The following CSMD3 variants were observed in gnomAD, a reference collection of about 807,000 sequenced individuals.
CSMD3 encodes CUB and Sushi multiple domains 3.
CSMD3 carries 177 observed loss-of-function variants against 435.2 expected under a neutral mutation model. That is an observed-to-expected ratio of 0.41 (90% CI 0.36 to 0.46). The LOEUF is 0.46. CSMD3 is among the 20% of genes least tolerant of loss of function. The pLI is 0.34. For synonymous variants in CSMD3, 1,656 were observed against 1,520.5 expected, an observed-to-expected ratio of 1.09 and a Z score of -2.07; for missense variants, 4,265 against 4,504.6, an observed-to-expected ratio of 0.95 and a Z score of 1.52.
chr8:113,369,126 T>A (rs2094331762), intron 1 of CSMD3, among the ~76,000 whole-genome samples: 2 of 151,986 alleles, frequency 1.3e-5, no homozygotes, highest in Non-Finnish European at 2.9e-5. Context: ...TTATAGTAAA[T>A]CTCTATCAAT....
intron 10 of CSMD3, among the ~76,000 whole-genome samples, chr8:112,897,060 T>C (rs1414560369): frequency 1.3e-5 from 2 of 151,486 alleles, no homozygotes; most frequent in Admixed American, 1.3e-4. Context: ...TTTGCATACC[T>C]TTTAGTCATC....
At chr8:113,225,818 G>A (rs1272175978) in intron 3 of CSMD3, among the ~76,000 whole-genome samples, 1 of 151,420 alleles carries the variant, frequency 6.6e-6, no homozygotes, top group Non-Finnish European at 1.5e-5. Context: ...GATATGGTCT[G>A]GTTCTATGTC....
chr8:112,769,250 A>G (rs1434995265), intron 13 of CSMD3, among the ~76,000 whole-genome samples: 2 of 151,934 alleles, frequency 1.3e-5, no homozygotes. Context: ...AAAACACATA[A>G]TCACTTTTCT....
At chr8:113,048,867 G>C (rs1451892592) in intron 5 of CSMD3, among the ~76,000 whole-genome samples, 1 of 152,100 alleles carries the variant, frequency 6.6e-6, no homozygotes, top group Non-Finnish European at 1.5e-5. Flanking sequence ...AACCCTACAA[G>C]TCTGAATATT....
At chr8:112,227,165 A>G (rs1423620888) in intron 70 of CSMD3, among the ~76,000 whole-genome samples, 1 of 152,214 alleles carries the variant, frequency 6.6e-6, no homozygotes, top group Non-Finnish European at 1.5e-5. Context: ...AAAGGTAGAA[A>G]CAACTCAAAT....
chr8:112,769,459 G>A (rs1358709977), intron 13 of CSMD3, among the ~76,000 whole-genome samples: 1 of 151,870 alleles, frequency 6.6e-6, no homozygotes, highest in African/African-American at 2.4e-5. Flanking sequence ...CCACATTTCA[G>A]GGATATGTAA....
At chr8:113,322,778 G>C (rs910701692) in intron 1 of CSMD3, among the ~76,000 whole-genome samples, 2 of 151,722 alleles carry the variant, frequency 1.3e-5, no homozygotes, top group Non-Finnish European at 1.5e-5. Flanking sequence ...ATAGAGTCTC[G>C]CTTTGTGCCC....
At chr8:112,436,023 T>C (rs1227825553) in intron 32 of CSMD3, among the ~76,000 whole-genome samples, 2 of 151,982 alleles carry the variant, frequency 1.3e-5, no homozygotes, top group African/African-American at 4.8e-5. Context: ...AAATCAGACA[T>C]GACACACTCT....
intron 10 of CSMD3, among the ~76,000 whole-genome samples, chr8:112,895,911 A>C (rs566747245): frequency 3.3e-5 from 5 of 151,540 alleles, no homozygotes; most frequent in Admixed American, 3.3e-4. Flanking sequence ...AAGAAGAAAA[A>C]GTAGGTTTTG....
rs779460744 is a variant in CSMD3 at position 113,436,827 on chromosome 8, G to C, written c.28C>G (p.Arg10Gly). The change falls in exon 1 of 71, where the codon CGA (arginine) becomes GGA (glycine). Residue 10 changes from arginine to glycine, a missense_variant. Transcript: ENST00000297405. ...TCCCAGGGTTTGGATTCCTTTGCTC[G>C]GCTTTCCCCTTTGCGGATCCCTTTC... MKGIRKGES[R>G]AKESKPWEPG... 1 of 1,614,072 alleles carries C rather than the reference G, an allele frequency of 6.2e-7. No individual in the cohort carries two copies.
chr8:112,468,232 G>GTGTTTTTTTTTTTTTTTTTTTTTTT (rs1818152244), intron 32 of CSMD3, among the ~76,000 whole-genome samples: 2 of 114,882 alleles, frequency 1.7e-5, no homozygotes, highest in Non-Finnish European at 1.8e-5. Context: ...ATTGCCTAAA[G>GTGTTTTTTTTTTTTTTTTTTTTTTT]TATTTTTTTT....
chr8:112,323,467 G>T (rs1465633695), intron 45 of CSMD3, among the ~76,000 whole-genome samples: 1 of 151,930 alleles, frequency 6.6e-6, no homozygotes, highest in African/African-American at 2.4e-5. Context: ...AGACGTAATT[G>T]GTTAACTTAA....
intron 3 of CSMD3, among the ~76,000 whole-genome samples, chr8:113,249,350 C>A (rs1198043764): frequency 2.0e-5 from 3 of 151,982 alleles, no homozygotes; most frequent in Non-Finnish European, 2.9e-5. Flanking sequence ...AGCTTAAGAA[C>A]AGTGGATATT....
chr8:112,518,627 T>TGAGAGAGAGA (rs202097926), intron 27 of CSMD3, among the ~76,000 whole-genome samples: 3 of 132,934 alleles, frequency 2.3e-5, no homozygotes, highest in Admixed American at 7.5e-5. Context: ...TGTGTGTGTG[T>TGAGAGAGAGA]GTGAGAGAGA....
intron 12 of CSMD3, among the ~76,000 whole-genome samples, chr8:112,819,432 T>C (rs2079468439): frequency 1.3e-5 from 2 of 152,210 alleles, no homozygotes; most frequent in African/African-American, 4.8e-5. Flanking sequence ...CTCAAATTTA[T>C]GTCAGCTTCT....
chr8:113,239,227 G>A (rs2132233022), intron 3 of CSMD3, among the ~76,000 whole-genome samples: 1 of 152,064 alleles, frequency 6.6e-6, no homozygotes, highest in East Asian at 1.9e-4. Context: ...AGGTCTCCTG[G>A]GTCTCCAGCT....
At chr8:113,053,108 C>G (rs2088169268) in intron 5 of CSMD3, among the ~76,000 whole-genome samples, 1 of 152,078 alleles carries the variant, frequency 6.6e-6, no homozygotes, top group African/African-American at 2.4e-5. Flanking sequence ...ACTACCAACC[C>G]AACACACCAA....
intron 54 of CSMD3, among the ~76,000 whole-genome samples, chr8:112,294,069 A>T (rs933892333): frequency 6.6e-6 from 1 of 151,840 alleles, no homozygotes; most frequent in Admixed American, 6.6e-5. Flanking sequence ...TCTTTAAATC[A>T]TCAGACAATC....
intron 32 of CSMD3, among the ~76,000 whole-genome samples, chr8:112,412,289 C>G (rs952544402): frequency 6.6e-6 from 1 of 152,010 alleles, no homozygotes; most frequent in Non-Finnish European, 1.5e-5. Context: ...GGGTAGAACA[C>G]CCTTTTATTT....
Sources: allele counts gnomAD v4.1 joint callset (sites outside exome capture counted in the v4.1 genomes callset), GRCh38; gene constraint gnomAD v4.1.1; transcripts MANE v1.5; gene names NCBI Gene and HGNC (gene_info 2026-07-23, HGNC 2026-07-21).